Variants in MRTFB observed in about 807,000 individuals in gnomAD.
The protein encoded by MRTFB is myocardin related transcription factor B.
Under a neutral mutation model 104.2 loss-of-function variants are expected in MRTFB, and 29 were observed. The ratio of observed to expected loss-of-function variants is 0.28; its 90% CI spans 0.21 to 0.38. The LOEUF is 0.38. MRTFB is among the 10% of genes least tolerant of loss of function. The pLI is 1.00. For missense variants in MRTFB, 1,270 were observed against 1,341.6 expected, an observed-to-expected ratio of 0.95 and a Z score of 0.83; for synonymous variants, 535 against 519.5, an observed-to-expected ratio of 1.03 and a Z score of -0.41.
chr16:14,170,735 G>T (rs1268010571), intron 3 of MRTFB, among the ~76,000 whole-genome samples: 1 of 152,054 alleles, frequency 6.6e-6, no homozygotes, highest in Non-Finnish European at 1.5e-5. Flanking sequence ...GTTTAGACCT[G>T]TTTCTGGATT....
the MRTFB span, among the ~76,000 whole-genome samples, chr16:14,050,609 T>C: frequency 6.6e-6 from 1 of 152,160 alleles, no homozygotes; most frequent in East Asian, 1.9e-4. Context: ...TTTAAAAGGA[T>C]TGAAAGCAAA....
At chr16:14,200,003 T>C (rs1597228700) in intron 3 of MRTFB, 10 of 341,684 alleles carry the variant, frequency 2.9e-5, no homozygotes, top group Non-Finnish European at 5.3e-5. Flanking sequence ...CTTAATGTTA[T>C]ACATTGTGGG....
chr16:14,108,154 T>C (rs572328622), intron 2 of MRTFB, among the ~76,000 whole-genome samples: 1 of 152,318 alleles, frequency 6.6e-6, no homozygotes, highest in South Asian at 2.1e-4. Context: ...GCCCTGGATC[T>C]GAAAGAACTG....
chr16:14,247,459 C>T lies in MRTFB; in HGVS notation c.2199C>T (p.Gly733=), dbSNP rs1262928397. 2 of 1,592,822 alleles carry T rather than the reference C, an allele frequency of 1.3e-6. No homozygotes were observed. The highest frequency in any genetic ancestry group is 1.7e-6 in the Non-Finnish European group (2 of 1,173,934). ...TGCTGCTCCCAGTGTCCATCCAGGG[C>T]TCGAGTGTCACCTCAGTGCAACTCC... ...AQLLLPVSIQ[G]SSVTSVQLPV... Residue 733 remains glycine (G), a synonymous_variant, in exon 12 of 17, where the codon GGC becomes GGT. Transcript: ENST00000571589.
the MRTFB span, among the ~76,000 whole-genome samples, chr16:13,999,590 T>TA: frequency 6.6e-6 from 1 of 151,964 alleles, no homozygotes. Context: ...TTAGAACCAC[T>TA]GCAGGCATTT....
At chr16:14,200,521 A>T in intron 3 of MRTFB, 1 of 1,609,900 alleles carries the variant, frequency 6.2e-7, no homozygotes, top group Non-Finnish European at 8.5e-7. Context: ...TTCTCTGTGA[A>T]TTGCTCAGCA....
intron 8 of MRTFB, among the ~76,000 whole-genome samples, chr16:14,221,536 A>C (rs1235857542): frequency 6.6e-6 from 1 of 152,196 alleles, no homozygotes; most frequent in Non-Finnish European, 1.5e-5. Flanking sequence ...CTGCTTTAGA[A>C]TTACCATCAT....
At chr16:14,074,270 A>G (rs955290172) in intron 1 of MRTFB, among the ~76,000 whole-genome samples, 2 of 152,210 alleles carry the variant, frequency 1.3e-5, no homozygotes, top group African/African-American at 4.8e-5. Flanking sequence ...ATGAATTTAT[A>G]TTAATTTGAG....
chr16:14,005,930 G>A, the MRTFB span, among the ~76,000 whole-genome samples: 1 of 152,250 alleles, frequency 6.6e-6, no homozygotes, highest in African/African-American at 2.4e-5. Flanking sequence ...TGTTACGGCT[G>A]GGTGTGGTGG....
At chr16:14,185,636 G>C (rs565765718) in intron 3 of MRTFB, among the ~76,000 whole-genome samples, 1 of 149,126 alleles carries the variant, frequency 6.7e-6, no homozygotes, top group South Asian at 2.1e-4. Context: ...TGTTTATTGA[G>C]AACACCTAAT....
chr16:14,100,207 CTTA>C (rs2142049052), intron 2 of MRTFB, among the ~76,000 whole-genome samples: 2 of 152,002 alleles, frequency 1.3e-5, no homozygotes, highest in South Asian at 4.1e-4. Flanking sequence ...AACACTAAGT[CTTA>C]TTATTAAGTG....
chr16:14,233,406 G>A (rs1339547095), intron 8 of MRTFB, among the ~76,000 whole-genome samples: 2 of 152,168 alleles, frequency 1.3e-5, no homozygotes, highest in Non-Finnish European at 2.9e-5. Flanking sequence ...CTGCCGGAGG[G>A]TAGGTCGAGT....
At chr16:14,202,106 A>G (rs1308976382) in intron 3 of MRTFB, among the ~76,000 whole-genome samples, 1 of 149,742 alleles carries the variant, frequency 6.7e-6, no homozygotes, top group East Asian at 1.9e-4. Flanking sequence ...ATAAAATTCT[A>G]CTGTTTACAA....
chr16:14,178,049 G>A (rs1244993745), intron 3 of MRTFB, among the ~76,000 whole-genome samples: 1 of 151,994 alleles, frequency 6.6e-6, no homozygotes, highest in East Asian at 1.9e-4. Context: ...TAGAAAAGAG[G>A]AGTGTGAGGG....
At chr16:14,001,318 G>A in the MRTFB span, among the ~76,000 whole-genome samples, 8 of 152,250 alleles carry the variant, frequency 5.3e-5, no homozygotes, top group East Asian at 3.9e-4. Context: ...TGGGTTTCTC[G>A]GCTCCATTAT....
intron 8 of MRTFB, among the ~76,000 whole-genome samples, chr16:14,224,120 A>C (rs1415278505): frequency 6.6e-6 from 1 of 152,188 alleles, no homozygotes; most frequent in African/African-American, 2.4e-5. Context: ...GAAATGCTAC[A>C]CACTTTCAAA....
At chr16:14,017,709 A>ATTTTT in the MRTFB span, among the ~76,000 whole-genome samples, 9 of 15,918 alleles carry the variant, frequency 5.7e-4, 2 homozygotes, top group Non-Finnish European at 1.5e-3. Flanking sequence ...ATATATATAT[A>ATTTTT]TATTTTTTTT....
intron 1 of MRTFB, among the ~76,000 whole-genome samples, chr16:14,076,625 T>C (rs1206149004): frequency 6.6e-6 from 1 of 152,236 alleles, no homozygotes. Flanking sequence ...TGTGCACATA[T>C]TATTTTGTAT....
chr16:14,215,179 CAAAAT>C (rs990558146), intron 6 of MRTFB, among the ~76,000 whole-genome samples: 5 of 152,168 alleles, frequency 3.3e-5, no homozygotes, highest in African/African-American at 1.2e-4. Flanking sequence ...ATTTAACTCT[CAAAAT>C]AAATCTTTTT....
Sources: allele counts gnomAD v4.1 joint callset (sites outside exome capture counted in the v4.1 genomes callset), GRCh38; gene constraint gnomAD v4.1.1; transcripts MANE v1.5; gene names NCBI Gene and HGNC (gene_info 2026-07-23, HGNC 2026-07-21).